Variants in EPB41L4A observed in about 807,000 individuals in gnomAD.
EPB41L4A encodes band 4.1-like protein 4A.
A neutral mutation model predicts 108.6 loss-of-function variants in EPB41L4A; 100 were observed. The observed-to-expected ratio is 0.92, with a 90% CI of 0.78 to 1.09. The LOEUF (loss-of-function observed/expected upper bound fraction) is 1.09. Among genes scored for constraint, EPB41L4A ranks in the 50% least tolerant of loss-of-function variants. EPB41L4A has a pLI of 0.00. For missense variants in EPB41L4A, 1,030 were observed against 842.7 expected, an observed-to-expected ratio of 1.22 and a Z score of -2.75; for synonymous variants, 319 against 289.0, an observed-to-expected ratio of 1.10 and a Z score of -1.05.
intron 1 of EPB41L4A, among the ~76,000 whole-genome samples, chr5:112,309,959 C>T (rs1372957877): frequency 3.3e-5 from 5 of 152,192 alleles, no homozygotes; most frequent in Admixed American, 1.3e-4. Flanking sequence ...AAGCGGGATT[C>T]TGCCAACAGC....
intron 12 of EPB41L4A, among the ~76,000 whole-genome samples, chr5:112,223,348 A>T (rs1365865556): frequency 6.6e-6 from 1 of 152,136 alleles, no homozygotes; most frequent in African/African-American, 2.4e-5. Context: ...TTAATAAGTA[A>T]TGAGTAACTT....
chr5:112,345,704 T>C (rs1035063655), intron 1 of EPB41L4A, among the ~76,000 whole-genome samples: 1 of 151,908 alleles, frequency 6.6e-6, no homozygotes, highest in Non-Finnish European at 1.5e-5. Flanking sequence ...TGTGTGTTTA[T>C]GTGTGCACAC....
intron 1 of EPB41L4A, among the ~76,000 whole-genome samples, chr5:112,353,811 C>T (rs57211830): frequency 0.069 from 10,553 of 152,084 alleles, 1,007 homozygotes; most frequent in African/African-American, 0.22. Context: ...GTGAGGCATC[C>T]TGATGGTGCA....
chr5:112,168,305 G>A (rs1213207678), intron 22 of EPB41L4A, among the ~76,000 whole-genome samples: 1 of 152,170 alleles, frequency 6.6e-6, no homozygotes, highest in African/African-American at 2.4e-5. Context: ...CAGAATTAAG[G>A]TAATTGTGAT....
intron 1 of EPB41L4A, among the ~76,000 whole-genome samples, chr5:112,325,803 C>G (rs1756119596): frequency 6.6e-6 from 1 of 152,104 alleles, no homozygotes. Context: ...GATGGGATAA[C>G]TGAACTCAGT....
At chr5:112,278,810 T>G (rs186321618) in intron 3 of EPB41L4A, among the ~76,000 whole-genome samples, 336 of 151,350 alleles carry the variant, frequency 2.2e-3, no homozygotes, top group Non-Finnish European at 3.5e-3. Context: ...TCCCAGCACT[T>G]TTGGAAGGCT....
At chr5:112,263,798 T>C (rs1751658393) in intron 6 of EPB41L4A, 1 of 152,108 alleles carries the variant, frequency 6.6e-6, no homozygotes, top group East Asian at 1.9e-4. Context: ...TGTGACCAGA[T>C]TAATTCTACA....
intron 4 of EPB41L4A, among the ~76,000 whole-genome samples, chr5:112,273,872 C>G (rs984098719): frequency 6.6e-6 from 1 of 152,192 alleles, no homozygotes; most frequent in African/African-American, 2.4e-5. Flanking sequence ...CCTCCCCATC[C>G]TAATGGCCCT....
At chr5:112,282,773 G>T (rs1753050381) in intron 2 of EPB41L4A, among the ~76,000 whole-genome samples, 1 of 152,146 alleles carries the variant, frequency 6.6e-6, no homozygotes, top group African/African-American at 2.4e-5. Flanking sequence ...GGAGGCTTTG[G>T]TCTTATTACT....
At chr5:112,410,170 G>A (rs937518256) in intron 1 of EPB41L4A, among the ~76,000 whole-genome samples, 4 of 152,126 alleles carry the variant, frequency 2.6e-5, no homozygotes, top group Admixed American at 2.6e-4. Context: ...AAAAAGGTGA[G>A]AGGGAATGTG....
chr5:112,172,472 A>G (rs1760636745), intron 18 of EPB41L4A, among the ~76,000 whole-genome samples: 1 of 150,736 alleles, frequency 6.6e-6, no homozygotes, highest in African/African-American at 2.5e-5. Flanking sequence ...AGATCACACC[A>G]CTGCACTCCA....
At chr5:112,410,252 A>C (rs1762330323) in intron 1 of EPB41L4A, among the ~76,000 whole-genome samples, 1 of 152,132 alleles carries the variant, frequency 6.6e-6, no homozygotes, top group Non-Finnish European at 1.5e-5. Flanking sequence ...TGGTGGGAGA[A>C]AGAATAGAAA....
chr5:112,296,538 T>G lies in EPB41L4A; in HGVS notation c.204+10848A>C, dbSNP rs369693500. Among the ~76,000 whole-genome samples the G allele has an allele frequency of 1.7e-4, 26 of 152,306 alleles. No homozygotes were observed. The South Asian group carries it at 5.4e-3, about 32-fold the overall frequency. On this transcript the variant is annotated intron_variant, in intron 2 of 22. Transcript: ENST00000261486. ...CCAGGAATATATTATAATGGACTAA[T>G]TGGAAAGAAAAAGTCCCACTCACCT...
chr5:112,296,408 A>T (rs1753986127), intron 2 of EPB41L4A, among the ~76,000 whole-genome samples: 1 of 152,134 alleles, frequency 6.6e-6, no homozygotes. Context: ...ATTTTAAGAC[A>T]GGTGGTCTTG....
intron 1 of EPB41L4A, among the ~76,000 whole-genome samples, chr5:112,380,073 T>C (rs1409237400): frequency 6.6e-6 from 1 of 152,188 alleles, no homozygotes; most frequent in African/African-American, 2.4e-5. Context: ...GGAGAAGTGC[T>C]AGGTCATCAG....
chr5:112,366,648 A>G (rs1184926091), intron 1 of EPB41L4A, among the ~76,000 whole-genome samples: 1 of 151,526 alleles, frequency 6.6e-6, no homozygotes, highest in African/African-American at 2.4e-5. Flanking sequence ...TTGCCTTCCA[A>G]CCCTGCTTGT....
intron 2 of EPB41L4A, among the ~76,000 whole-genome samples, chr5:112,302,345 G>GA (rs900358128): frequency 5.3e-5 from 8 of 151,016 alleles, no homozygotes; most frequent in Non-Finnish European, 1.0e-4. Flanking sequence ...ATCTCTAAAA[G>GA]AAAAAAAAAT....
At chr5:112,211,409 C>T (rs943033829) in intron 12 of EPB41L4A, among the ~76,000 whole-genome samples, 8 of 152,180 alleles carry the variant, frequency 5.3e-5, no homozygotes, top group African/African-American at 1.9e-4. Context: ...AGGCAAAACC[C>T]CATCTCTACT....
At chr5:112,191,938 G>C (rs1259959953) in intron 17 of EPB41L4A, 1 of 152,190 alleles carries the variant, frequency 6.6e-6, no homozygotes, top group Non-Finnish European at 1.5e-5. Flanking sequence ...GCTGAGTTTA[G>C]AGACCTTATG....
Sources: allele counts gnomAD v4.1 joint callset (sites outside exome capture counted in the v4.1 genomes callset), GRCh38; gene constraint gnomAD v4.1.1; transcripts MANE v1.5; gene names NCBI Gene and HGNC (gene_info 2026-07-23, HGNC 2026-07-21).